Variants in TPM2 observed in about 807,000 individuals in gnomAD.
The protein encoded by TPM2 is tropomyosin 2.
Under a neutral mutation model 41.0 loss-of-function variants are expected in TPM2, and 26 were observed. That is an observed-to-expected ratio of 0.63 (90% CI 0.46 to 0.88). The LOEUF is 0.88. Ranked by LOEUF, TPM2 falls within the 40% of genes least tolerant of loss-of-function variation. TPM2 has a pLI of 0.00. For synonymous variants in TPM2, 143 were observed against 139.3 expected (o/e 1.03, Z -0.19); for missense variants, 187 against 355.2 (o/e 0.53, Z 3.81).
intron 1 of TPM2, 119 bp from the exon 2 acceptor site, chr9:35,689,390 CATAA>C: frequency 6.6e-7 from 1 of 1,513,714 alleles, no homozygotes; most frequent in Non-Finnish European, 8.8e-7. Flanking sequence ...AGCGGAATAA[CATAA>C]AAGGGACAGT....
chr9:35,683,287 G>A (rs766462062), intron 8 of TPM2, 46 bp from the exon 9 acceptor site: 2 of 1,514,792 alleles, frequency 1.3e-6, no homozygotes, highest in East Asian at 2.5e-5. Context: ...GTGGGAAAGG[G>A]AGTGGAGGGA....
chr9:35,685,786 G>T lies in TPM2; in HGVS notation c.241-6C>A. On this transcript the variant is annotated splice_region_variant and splice_polypyrimidine_tract_variant and intron_variant, in intron 2 of 8. Transcript: ENST00000645482. The surrounding 1 kb of genome is among the most constrained non-coding windows in gnomAD (Gnocchi z 5.0). ...GAGGCCACATCTGCCTCAGCCTGTG[G>T]GTCAGAGGTCAGGGGTCAAAAAGGC... 1.2e-6 allele frequency: 2 copies of T among 1,614,046 alleles called. No individual in the cohort carries two copies. Among genetic ancestry groups the T allele is most frequent in the Non-Finnish European group, 8.5e-7 (1 of 1,180,032 alleles).
In TPM2 at chr9:35,684,825, C is replaced by CG. The variant is rs3215700; in HGVS notation, c.564-19dup. On this transcript the variant is annotated intron_variant, in intron 5 of 8. Transcript: ENST00000645482. ...CACATTTACTGCAGGGGGTGTGTGGCGGGGGGGGCAGGGTGTGAGGGCACA... is the reference window on the plus strand; with the variant it reads ...CACATTTACTGCAGGGGGTGTGTGGCGGGGGGGGGCAGGGTGTGAGGGCACA... 987,669 of 1,596,748 alleles carry CG rather than the reference C, an allele frequency of 0.62. 303,763 individuals carry two copies. The highest frequency in any genetic ancestry group is 0.7 in the South Asian group (62,559 of 89,996).
chr9:35,684,009 T>C, intron 8 of TPM2: 4 of 547,674 alleles, frequency 7.3e-6, no homozygotes, highest in Non-Finnish European at 9.9e-6. Flanking sequence ...GGAATCTGTT[T>C]TTAAAACTCT....
At chr9:35,682,170 G>T (rs912752403), downstream of TPM2, 8 of 1,614,018 alleles carry the variant, frequency 5.0e-6, no homozygotes, top group African/African-American at 1.1e-4. Context: ...GTCTCTGTGA[G>T]GGGAAGCAGC....
intron 2 of TPM2, among the ~76,000 whole-genome samples, chr9:35,686,989 G>A (rs1824956433): frequency 6.6e-6 from 1 of 152,266 alleles, no homozygotes. Flanking sequence ...GAGTCAGATT[G>A]TCTTTGAGCC....
intron 2 of TPM2, among the ~76,000 whole-genome samples, chr9:35,687,868 G>A (rs142113252): frequency 6.6e-6 from 1 of 152,252 alleles, no homozygotes; most frequent in Non-Finnish European, 1.5e-5. Context: ...CCCAGTTACG[G>A]GGGCGGCTCT....
In TPM2 at chr9:35,689,406, C is replaced by CA. The variant is rs1226215279; in HGVS notation, c.115-136dup. 1.1e-4 allele frequency: 160 copies of CA among 1,482,506 alleles called. 3 individuals are homozygous for CA. The South Asian group carries it at 1.9e-3, about 18-fold the overall frequency. 91.8% of individuals were successfully genotyped at this position (1,482,506 alleles called of 1,614,324 possible). ...GCGGAATAACATAAAAGGGACAGTA[C>CA]AGTCAAGGGTACTGGTGGGACCCGT... On this transcript the variant is annotated intron_variant, in intron 1 of 8. Coordinates refer to ENST00000645482, the MANE Select transcript of TPM2 (RefSeq NM_003289.4).
rs561766008 is a variant in TPM2, at chr9:35,689,829, G to T, written c.-12C>A. 9.3e-6 allele frequency: 15 copies of T among 1,613,536 alleles called. No individual in the cohort carries two copies. The African/African-American group carries it at 1.9e-4, about 20-fold the overall frequency. On this transcript the variant is annotated 5_prime_UTR_variant, in exon 1 of 9. Coordinates refer to ENST00000645482, the MANE Select transcript of TPM2 (RefSeq NM_003289.4). Reference sequence around the variant, plus strand: ...TTGATGGCGTCCATGGCTGCGGTGGGGGGTGGGCCGGCCGGCAGGCGGTGA... The same window carrying T: ...TTGATGGCGTCCATGGCTGCGGTGGTGGGTGGGCCGGCCGGCAGGCGGTGA...
At chr9:35,684,128 G>T in intron 8 of TPM2, 118 bp downstream of exon 8, 2 of 990,286 alleles carry the variant, frequency 2.0e-6, no homozygotes, top group African/African-American at 1.6e-5. Flanking sequence ...TGGGGAGTTG[G>T]TAGGGTCCTA....
In TPM2 at chr9:35,685,229, A is replaced by C. The variant is rs776085145; in HGVS notation, c.563+40T>G. The C allele has an allele frequency of 3.1e-6, 5 of 1,614,008 alleles. No individual in the cohort carries two copies. The East Asian group carries it at 1.1e-4, about 36-fold the overall frequency. On this transcript the variant is annotated intron_variant, in intron 5 of 8. Coordinates refer to ENST00000645482, the MANE Select transcript of TPM2 (RefSeq NM_003289.4). The surrounding 1 kb of genome is among the most constrained non-coding windows in gnomAD (Gnocchi z 5.0). The stretch of plus-strand genomic sequence containing the variant: ...ACCTTCCCACTGTGTGGAAGGCCCC[A>C]GGGCCAATGGGCTCACTTGTCACCC...
In TPM2 at chr9:35,685,369, C is replaced by T; in HGVS notation, c.493-30G>A. 1.2e-6 allele frequency: 2 copies of T among 1,614,182 alleles called. No homozygotes were observed. The highest frequency in any genetic ancestry group is 1.7e-6 in the Non-Finnish European group (2 of 1,180,038). On this transcript the variant is annotated intron_variant, in intron 4 of 8. Transcript: ENST00000645482. This position sits in a 1 kb window ranked among gnomAD's most constrained non-coding sequence, Gnocchi z 5.0. ...GGGGAGTGAGAAAGAGAGGGTAGAT[C>T]AGTGGAGAAGGACTGGGCATGTTGC... is the stretch of plus-strand genomic sequence containing the variant.
At chr9:35,684,070 G>A (rs1824729948) in intron 8 of TPM2, 176 bp downstream of exon 8, 4 of 665,134 alleles carry the variant, frequency 6.0e-6, no homozygotes, top group East Asian at 2.8e-5. Context: ...GAGTTGTTGC[G>A]CCGTGGGCAG....
Position 35,685,273 on chromosome 9 carries a change from C to A in TPM2, c.559G>T (p.Glu187Ter), listed in dbSNP as rs779223457. 2 of 1,614,228 alleles carry A rather than the reference C, an allele frequency of 1.2e-6. No homozygotes were observed. The highest frequency in any genetic ancestry group is 8.5e-7 in the Non-Finnish European group (1 of 1,180,036). The stretch of plus-strand genomic sequence containing the variant: ...GTCACCCCCGGGTATCTTTACCTCT[C>A]GGCCACCTCAGCCCTCTCCTCCGAG... ...ERSEERAEVAESKCGDLEEEL... is the reference protein window; with the variant it reads ...ERSEERAEVA The change falls in exon 5 of 9, where the codon GAG becomes TAG. Residue 187 changes from glutamate to a stop codon, truncating the protein, a stop_gained. Transcript: ENST00000645482. LOFTEE classifies it high-confidence loss of function. This position sits in a 1 kb window ranked among gnomAD's most constrained non-coding sequence, Gnocchi z 5.0.
Position 35,685,613 on chromosome 9 carries a change from C to T in TPM2, c.374+34G>A, listed in dbSNP as rs779592126. 3 of 1,614,142 alleles carry T rather than the reference C, an allele frequency of 1.9e-6. No homozygotes were observed. The highest frequency in any genetic ancestry group is 2.5e-6 in the Non-Finnish European group (3 of 1,180,014). On this transcript the variant is annotated intron_variant, in intron 3 of 8. Coordinates refer to ENST00000645482, the MANE Select transcript of TPM2 (RefSeq NM_003289.4). This position sits in a 1 kb window ranked among gnomAD's most constrained non-coding sequence, Gnocchi z 5.0. Reference sequence around the variant, plus strand: ...CCAGCAGAGACAGGCTCCCTTCTCCCTCCCGGACCATCCTCCCCGAGGCCC... The same window carrying T: ...CCAGCAGAGACAGGCTCCCTTCTCCTTCCCGGACCATCCTCCCCGAGGCCC...
At chr9:35,686,266 T>G in intron 2 of TPM2, 1 of 239,200 alleles carries the variant, frequency 4.2e-6, no homozygotes, top group Non-Finnish European at 8.3e-6. Context: ...AACAAAAAAA[T>G]ACATGCATTC....
At chr9:35,682,100 A>C, downstream of TPM2, 2 of 1,614,132 alleles carry the variant, frequency 1.2e-6, no homozygotes, top group South Asian at 2.2e-5. Context: ...GTTGAGTTCC[A>C]GCAGGGTCTG....
Position 35,685,135 on chromosome 9 carries a change from C to T in TPM2, c.563+134G>A, listed in dbSNP as rs1211424814. 2.5e-6 allele frequency: 4 copies of T among 1,614,026 alleles called. No individual in the cohort carries two copies. The African/African-American group carries it at 5.3e-5, about 22-fold the overall frequency. On this transcript the variant is annotated intron_variant, in intron 5 of 8. Transcript: ENST00000645482. The surrounding 1 kb of genome is among the most constrained non-coding windows in gnomAD (Gnocchi z 5.0). ...CGAAGTTCCTCCTCCAGCTGTCTGG[C>T]TCGGCTGGGGGCAGCGGGCAGGGGT... is the stretch of plus-strand genomic sequence containing the variant.
Position 35,689,919 on chromosome 9 carries a change from C to A in TPM2, c.-102G>T. The stretch of plus-strand genomic sequence containing the variant: ...CCGGTGGCAGGCGAGGAGGACGGAG[C>A]GGGACTGGGACGTCCCGGCCACGCG... On this transcript the variant is annotated 5_prime_UTR_variant, in exon 1 of 9. Coordinates refer to ENST00000645482, the MANE Select transcript of TPM2 (RefSeq NM_003289.4). 1.9e-6 allele frequency: 3 copies of A among 1,597,168 alleles called. No individual in the cohort carries two copies. The highest frequency in any genetic ancestry group is 2.3e-5 in the East Asian group (1 of 44,376).
Sources: gnomAD v4.1 joint callset for allele counts (sites outside exome capture counted in the v4.1 genomes callset) on GRCh38, gnomAD v4.1.1 for gene constraint, Gnocchi (gnomAD v3.1) non-coding constraint, MANE v1.5 for transcripts, NCBI Gene and HGNC (gene_info 2026-07-23, HGNC 2026-07-21) for gene names.